The following VSTM2B variants were observed in gnomAD, a reference collection of about 807,000 sequenced individuals.
VSTM2B encodes the protein V-set and transmembrane domain containing 2B, also known as V-set and transmembrane domain-containing protein 2B.
A neutral mutation model predicts 24.0 loss-of-function variants in VSTM2B; 24 were observed. The observed-to-expected ratio is 1.00, with a 90% CI of 0.72 to 1.40. VSTM2B has a LOEUF of 1.40. Ranked by LOEUF, VSTM2B falls within the 40% of genes most tolerant of loss-of-function variation. VSTM2B has a pLI of 0.00. For missense variants in VSTM2B, 399 were observed against 416.4 expected, an observed-to-expected ratio of 0.96 and a Z score of 0.36; for synonymous variants, 226 against 194.4, an observed-to-expected ratio of 1.16 and a Z score of -1.35.
At chr19:29,551,547 C>T (rs1970286363) in intron 4 of VSTM2B, among the ~76,000 whole-genome samples, 1 of 152,104 alleles carries the variant, frequency 6.6e-6, no homozygotes, top group Admixed American at 6.5e-5. Flanking sequence ...ATCCTGCTCA[C>T]TATCTGAATG....
Position 29,530,124 on chromosome 19 carries a change from C to G in VSTM2B, c.603C>G (p.Ser201Arg). Residue 201 changes from serine to arginine, a missense_variant, in exon 4 of 5, where the codon AGC becomes AGG. Coordinates refer to ENST00000335523, the MANE Select transcript of VSTM2B (RefSeq NM_001146339.2). ...CCGAGCCCGGCCGCGGCGACAAGAG[C>G]CCGCCGCCCGGGAGCCCTCCCGCCG... is the stretch of plus-strand genomic sequence containing the variant. ...TTSEPGRGDK[S>R]PPPGSPPAAI... is the part of the protein sequence containing the mutation. 1.4e-6 allele frequency: 2 copies of G among 1,446,016 alleles called. No homozygotes were observed. Among genetic ancestry groups the G allele is most frequent in the Non-Finnish European group, 1.8e-6 (2 of 1,107,908 alleles). 89.6% of individuals were successfully genotyped at this position (1,446,016 alleles called of 1,614,324 possible).
At chr19:29,558,628 C>G (rs1244676459) in intron 4 of VSTM2B, among the ~76,000 whole-genome samples, 3 of 152,154 alleles carry the variant, frequency 2.0e-5, no homozygotes, top group Non-Finnish European at 4.4e-5. Context: ...CCAAACACCA[C>G]ATGTTATTAT....
At chr19:29,530,346 C>A (rs994583340) in intron 4 of VSTM2B, 56 bp downstream of exon 4, 60 of 1,397,870 alleles carry the variant, frequency 4.3e-5, no homozygotes, top group Admixed American at 1.7e-4. Flanking sequence ...GCTAGGGCTG[C>A]GCCGGGACGC....
intron 4 of VSTM2B, among the ~76,000 whole-genome samples, chr19:29,560,436 A>G (rs1381856154): frequency 6.6e-6 from 1 of 152,170 alleles, no homozygotes; most frequent in East Asian, 1.9e-4. Flanking sequence ...TTGGAAGCCC[A>G]TCTCTCCAGT....
intron 3 of VSTM2B, chr19:29,529,118 G>T: frequency 1.0e-6 from 1 of 985,460 alleles, no homozygotes; most frequent in Non-Finnish European, 1.2e-6. Flanking sequence ...CTGGGTGTTT[G>T]TTGAGAGCCG....
intron 4 of VSTM2B, 116 bp from the exon 5 acceptor site, chr19:29,563,730 G>A: frequency 1.2e-6 from 1 of 820,668 alleles, no homozygotes; most frequent in South Asian, 1.7e-5. Context: ...CCTCCAGCTG[G>A]GTGCTAAGCG....
At chr19:29,548,508 G>A (rs543569162) in intron 4 of VSTM2B, among the ~76,000 whole-genome samples, 4 of 152,260 alleles carry the variant, frequency 2.6e-5, no homozygotes, top group African/African-American at 9.6e-5. Flanking sequence ...ATTATTCCTC[G>A]CTGACTGCCT....
intron 4 of VSTM2B, among the ~76,000 whole-genome samples, chr19:29,531,520 C>T (rs12980995): frequency 0.29 from 44,378 of 152,158 alleles, 7,681 homozygotes; most frequent in South Asian, 0.41. Context: ...TCAAGCCCTC[C>T]GACAGTTGAG....
chr19:29,560,596 A>T (rs748861875), intron 4 of VSTM2B, among the ~76,000 whole-genome samples: 7 of 152,180 alleles, frequency 4.6e-5, no homozygotes, highest in Non-Finnish European at 8.8e-5. Flanking sequence ...ACCCTGGGTG[A>T]ACCCTCCCCA....
intron 4 of VSTM2B, among the ~76,000 whole-genome samples, chr19:29,536,035 A>G (rs1487701515): frequency 1.3e-5 from 2 of 152,256 alleles, no homozygotes; most frequent in African/African-American, 4.8e-5. Context: ...TTCATAAAGG[A>G]AATGGCTGAG....
intron 4 of VSTM2B, among the ~76,000 whole-genome samples, chr19:29,554,484 A>G (rs1328078601): frequency 3.3e-5 from 5 of 152,240 alleles, no homozygotes; most frequent in Non-Finnish European, 4.4e-5. Flanking sequence ...TACAAAGACC[A>G]ATGACACTAT....
At chr19:29,550,881 C>T (rs1467984860) in intron 4 of VSTM2B, among the ~76,000 whole-genome samples, 1 of 152,006 alleles carries the variant, frequency 6.6e-6, no homozygotes. Flanking sequence ...AGATGCAGCT[C>T]CCAGGCCACC....
At chr19:29,544,481 G>A (rs539686709) in intron 4 of VSTM2B, among the ~76,000 whole-genome samples, 37 of 122,406 alleles carry the variant, frequency 3.0e-4, no homozygotes, top group South Asian at 2.5e-3. Context: ...AGCAGAGATC[G>A]CGCCACTGCA....
chr19:29,543,472 T>C (rs557236178), intron 4 of VSTM2B, among the ~76,000 whole-genome samples: 1 of 152,192 alleles, frequency 6.6e-6, no homozygotes, highest in African/African-American at 2.4e-5. Flanking sequence ...CAAAGGCGGA[T>C]TGTAATGGGA....
intron 4 of VSTM2B, among the ~76,000 whole-genome samples, chr19:29,544,594 G>A (rs949150370): frequency 7.1e-6 from 1 of 140,694 alleles, no homozygotes; most frequent in African/African-American, 2.7e-5. Context: ...TTTTTAATGA[G>A]CAAATTGGAA....
chr19:29,544,253 G>A (rs554506165), intron 4 of VSTM2B, among the ~76,000 whole-genome samples: 5 of 151,888 alleles, frequency 3.3e-5, no homozygotes, highest in African/African-American at 9.6e-5. Context: ...GCGGCCGGGC[G>A]CGGTGGCTCA....
chr19:29,554,931 T>A (rs1308592148), intron 4 of VSTM2B, among the ~76,000 whole-genome samples: 5 of 152,178 alleles, frequency 3.3e-5, no homozygotes, highest in African/African-American at 4.8e-5. Context: ...CTTAGAGACC[T>A]ACAAAGAGAC....
At chr19:29,537,443 C>T (rs1488873982) in intron 4 of VSTM2B, among the ~76,000 whole-genome samples, 2 of 152,190 alleles carry the variant, frequency 1.3e-5, no homozygotes, top group Non-Finnish European at 2.9e-5. Flanking sequence ...CTCCTGCCTG[C>T]ATCCTCCACA....
Position 29,532,695 on chromosome 19 carries a change from T to C in VSTM2B, c.769+2405T>C, listed in dbSNP as rs150402326. On this transcript the variant is annotated intron_variant, in intron 4 of 4. Transcript: ENST00000335523. ...AATCTCTCTGACCTCAGAGGGAGCT[T>C]GGTATGGAAATTGCTGCACATATAT... Among the ~76,000 whole-genome samples the C allele has an allele frequency of 5.8e-3, 887 of 152,304 alleles. 17 individuals are homozygous for C. Among genetic ancestry groups the C allele is most frequent in the African/African-American group, 0.02 (829 of 41,560 alleles).
Sources: gnomAD v4.1 joint callset for allele counts (sites outside exome capture counted in the v4.1 genomes callset) on GRCh38, gnomAD v4.1.1 for gene constraint, MANE v1.5 for transcripts, NCBI Gene and HGNC (gene_info 2026-07-23, HGNC 2026-07-21) for gene names.